Variants in TRPM3 observed in about 807,000 individuals in gnomAD.
TRPM3 encodes transient receptor potential cation channel subfamily M member 3.
In TRPM3, 77 loss-of-function variants were observed where a neutral mutation model predicts 181.2. The observed-to-expected ratio is 0.42, with a 90% confidence interval of 0.35 to 0.51. TRPM3 has a LOEUF of 0.51. Among genes scored for constraint, TRPM3 ranks in the 20% least tolerant of loss-of-function variants. TRPM3 has a pLI of 0.01. For synonymous variants in TRPM3, 745 were observed against 796.4 expected (o/e 0.94, Z 1.09); for missense variants, 1,759 against 2,196.7 (o/e 0.80, Z 3.98).
intron 1 of TRPM3, among the ~76,000 whole-genome samples, chr9:70,920,332 T>C (rs1430843950): frequency 6.6e-6 from 1 of 152,202 alleles, no homozygotes; most frequent in Non-Finnish European, 1.5e-5. Flanking sequence ...TTTCATTGCT[T>C]AGTGGGTGGG....
chr9:70,559,840 A>G (rs2048629531), intron 22 of TRPM3, among the ~76,000 whole-genome samples: 1 of 152,154 alleles, frequency 6.6e-6, no homozygotes, highest in Non-Finnish European at 1.5e-5. Context: ...GGGTCAGAAT[A>G]GGACATCCTA....
intron 1 of TRPM3, among the ~76,000 whole-genome samples, chr9:70,964,137 G>T (rs2097163493): frequency 6.6e-6 from 1 of 151,944 alleles, no homozygotes; most frequent in Non-Finnish European, 1.5e-5. Flanking sequence ...CTGGGTATTT[G>T]TCAGCATTAT....
intron 1 of TRPM3, among the ~76,000 whole-genome samples, chr9:71,334,587 A>T (rs756023382): frequency 2.6e-5 from 4 of 152,140 alleles, no homozygotes; most frequent in African/African-American, 4.8e-5. Context: ...TGAATCCCAA[A>T]TAGCCATTTC....
intron 1 of TRPM3, among the ~76,000 whole-genome samples, chr9:71,290,318 A>G (rs1360554550): frequency 6.6e-5 from 10 of 152,150 alleles, no homozygotes. Context: ...AGAATACCAA[A>G]AAAAGAAAGA....
intron 1 of TRPM3, among the ~76,000 whole-genome samples, chr9:71,001,723 G>T (rs1263006963): frequency 4.6e-5 from 7 of 152,180 alleles, no homozygotes. Context: ...TGGTACTGTT[G>T]ATACACCTGT....
chr9:71,116,238 G>A (rs1010510059), intron 1 of TRPM3, among the ~76,000 whole-genome samples: 1 of 152,054 alleles, frequency 6.6e-6, no homozygotes, highest in Non-Finnish European at 1.5e-5. Flanking sequence ...CTCTCTTGTG[G>A]TGGAAATTTA....
chr9:71,273,758 C>T (rs6560193), intron 1 of TRPM3, among the ~76,000 whole-genome samples: 81,135 of 151,982 alleles, frequency 0.53, 21,864 homozygotes, highest in African/African-American at 0.62. Flanking sequence ...TTAATGTTTG[C>T]TCCTGGGGCA....
At chr9:71,201,693 T>G (rs1426893978) in intron 1 of TRPM3, among the ~76,000 whole-genome samples, 1 of 152,226 alleles carries the variant, frequency 6.6e-6, no homozygotes, top group Non-Finnish European at 1.5e-5. Flanking sequence ...GCATTCTTCA[T>G]GTAGTTCTCG....
At chr9:70,921,916 T>TAC (rs1330288624) in intron 1 of TRPM3, among the ~76,000 whole-genome samples, 3 of 25,262 alleles carry the variant, frequency 1.2e-4, no homozygotes, top group Admixed American at 5.0e-4. Flanking sequence ...TGGCAGCCAC[T>TAC]ATACACACAC....
intron 1 of TRPM3, among the ~76,000 whole-genome samples, chr9:71,356,889 C>T (rs1004479347): frequency 6.6e-6 from 1 of 152,114 alleles, no homozygotes; most frequent in East Asian, 1.9e-4. Context: ...TTTTCCTATT[C>T]CCCAAGGCCC....
chr9:70,614,046 G>A (rs1232708978), intron 18 of TRPM3, among the ~76,000 whole-genome samples: 2 of 152,178 alleles, frequency 1.3e-5, no homozygotes, highest in African/African-American at 4.8e-5. Context: ...CCACACTTGA[G>A]ACTAGAGAGA....
chr9:71,356,674 T>C (rs2091909444), intron 1 of TRPM3, among the ~76,000 whole-genome samples: 2 of 152,204 alleles, frequency 1.3e-5, no homozygotes, highest in African/African-American at 4.8e-5. Context: ...GTAATTTCTC[T>C]ATTAATGCTA....
intron 1 of TRPM3, among the ~76,000 whole-genome samples, chr9:71,288,683 A>G (rs2085513093): frequency 6.6e-6 from 1 of 152,168 alleles, no homozygotes; most frequent in African/African-American, 2.4e-5. Context: ...GGACACAGAG[A>G]GGTACACAGC....
chr9:70,769,299 T>C (rs1477741190), intron 7 of TRPM3, among the ~76,000 whole-genome samples: 1 of 152,136 alleles, frequency 6.6e-6, no homozygotes, highest in Non-Finnish European at 1.5e-5. Flanking sequence ...CATGCCTCTA[T>C]ATCTTCAGCT....
chr9:71,399,087 A>G (rs1032100613), intron 1 of TRPM3, among the ~76,000 whole-genome samples: 1 of 148,246 alleles, frequency 6.7e-6, no homozygotes, highest in African/African-American at 2.5e-5. Context: ...AATAAAATGT[A>G]TTCTGAAAGA....
chr9:71,382,336 T>C (rs1032368712), intron 1 of TRPM3, among the ~76,000 whole-genome samples: 1 of 152,174 alleles, frequency 6.6e-6, no homozygotes, highest in Non-Finnish European at 1.5e-5. Flanking sequence ...GAAAAAATTT[T>C]CCATGCGTCA....
chr9:71,062,685 A>C (rs1411461716), intron 1 of TRPM3, among the ~76,000 whole-genome samples: 1 of 152,074 alleles, frequency 6.6e-6, no homozygotes, highest in Non-Finnish European at 1.5e-5. Context: ...GACCTTTAAG[A>C]GGTTATTAGG....
At chr9:71,417,315 C>G (rs62545049) in intron 1 of TRPM3, among the ~76,000 whole-genome samples, 27,347 of 151,916 alleles carry the variant, frequency 0.18, 3,242 homozygotes, top group Middle Eastern at 0.27. Flanking sequence ...CAGTGTCAAT[C>G]ATTAATTTTA....
At chr9:70,760,496 A>C (rs924576023) in intron 8 of TRPM3, among the ~76,000 whole-genome samples, 8 of 149,564 alleles carry the variant, frequency 5.3e-5, no homozygotes, top group Non-Finnish European at 1.0e-4. Flanking sequence ...CGTGTGCCCC[A>C]CCCGCTCGCT....
Sources: gnomAD v4.1 joint callset for allele counts (sites outside exome capture counted in the v4.1 genomes callset) on GRCh38, gnomAD v4.1.1 for gene constraint, MANE v1.5 for transcripts, NCBI Gene and HGNC (gene_info 2026-07-23, HGNC 2026-07-21) for gene names.